MALRD1: variants seen among roughly 807,000 people sequenced by gnomAD.
MALRD1 encodes the protein MAM and LDL receptor class A domain containing 1.
MALRD1 carries 247 observed loss-of-function variants against 242.1 expected under a neutral mutation model. That is an observed-to-expected ratio of 1.02 (90% CI 0.92 to 1.13). MALRD1 has a LOEUF of 1.13. Among genes scored for constraint, MALRD1 ranks in the 50% most tolerant of loss-of-function variants. The pLI, the probability that MALRD1 is intolerant of heterozygous loss-of-function variation, is 0.00. For missense variants in MALRD1, 2,989 were observed against 2,533.1 expected, an observed-to-expected ratio of 1.18 and a Z score of -3.86; for synonymous variants, 995 against 866.6, an observed-to-expected ratio of 1.15 and a Z score of -2.60.
chr10:19,200,729 G>A (rs140641246), intron 14 of MALRD1, among the ~76,000 whole-genome samples: 2 of 145,336 alleles, frequency 1.4e-5, no homozygotes, highest in Non-Finnish European at 3.0e-5. Context: ...AAAATGACAG[G>A]GATGGACCTG....
At chr10:19,318,806 G>A in intron 21 of MALRD1, among the ~76,000 whole-genome samples, 1 of 151,728 alleles carries the variant, frequency 6.6e-6, no homozygotes, top group Non-Finnish European at 1.5e-5. Context: ...AAATTCACTT[G>A]GTTATTTTGC....
intron 33 of MALRD1, among the ~76,000 whole-genome samples, chr10:19,585,384 T>C (rs1278274038): frequency 1.3e-5 from 2 of 152,152 alleles, no homozygotes; most frequent in South Asian, 2.1e-4. Flanking sequence ...TTTCTGTGTT[T>C]AGCGCTTCCT....
intron 10 of MALRD1, among the ~76,000 whole-genome samples, chr10:19,144,765 C>A (rs191761183): frequency 6.6e-6 from 1 of 152,280 alleles, no homozygotes; most frequent in African/African-American, 2.4e-5. Flanking sequence ...GTACCACAAG[C>A]AAGTTGCTTC....
At chr10:19,385,316 T>C (rs970244362) in intron 26 of MALRD1, among the ~76,000 whole-genome samples, 6 of 152,066 alleles carry the variant, frequency 3.9e-5, no homozygotes, top group African/African-American at 1.4e-4. Context: ...TTGAGAAGGA[T>C]TAATGGCAAT....
At chr10:19,103,793 C>A (rs544418850) in intron 4 of MALRD1, among the ~76,000 whole-genome samples, 186 bp from the exon 5 acceptor site, 4 of 152,220 alleles carry the variant, frequency 2.6e-5, no homozygotes, top group South Asian at 2.1e-4. Context: ...ACAGTGATGA[C>A]CCTGCATTTC....
intron 21 of MALRD1, among the ~76,000 whole-genome samples, chr10:19,286,739 G>T (rs540544053): frequency 6.6e-6 from 1 of 151,340 alleles, no homozygotes; most frequent in Non-Finnish European, 1.5e-5. Context: ...TCTACCAGAG[G>T]TACAAGGAGG....
chr10:19,113,834 C>CACACACACACAG (rs1836777507), intron 5 of MALRD1, among the ~76,000 whole-genome samples: 2 of 149,898 alleles, frequency 1.3e-5, no homozygotes, highest in African/African-American at 4.9e-5. Context: ...CACACACAGA[C>CACACACACACAG]ACACACACAC....
chr10:19,175,946 C>T (rs12357517), intron 14 of MALRD1, among the ~76,000 whole-genome samples: 15,154 of 151,984 alleles, frequency 0.1, 805 homozygotes, highest in East Asian at 0.18. Flanking sequence ...TATTTTAAAA[C>T]CTAATCATTA....
At chr10:19,201,258 G>A (rs1836525859) in intron 14 of MALRD1, among the ~76,000 whole-genome samples, 1 of 152,000 alleles carries the variant, frequency 6.6e-6, no homozygotes, top group Non-Finnish European at 1.5e-5. Context: ...GATCAATCAA[G>A]GGGAGTTTTT....
At chr10:19,461,371 T>G (rs966236698) in intron 29 of MALRD1, among the ~76,000 whole-genome samples, 2 of 152,198 alleles carry the variant, frequency 1.3e-5, no homozygotes, top group African/African-American at 4.8e-5. Flanking sequence ...TTCCACTAGG[T>G]TACTTTTTGG....
intron 36 of MALRD1, among the ~76,000 whole-genome samples, chr10:19,628,123 T>C (rs1839753357): frequency 6.6e-6 from 1 of 152,078 alleles, no homozygotes; most frequent in African/African-American, 2.4e-5. Context: ...TGACAAAACA[T>C]TTTTTGGTAA....
chr10:19,518,736 T>G (rs377590139), intron 31 of MALRD1, among the ~76,000 whole-genome samples: 56 of 152,322 alleles, frequency 3.7e-4, no homozygotes, highest in African/African-American at 1.3e-3. Context: ...AATAAAATGT[T>G]TAGTTGTTTC....
chr10:19,269,934 C>G (rs542766018), intron 19 of MALRD1, among the ~76,000 whole-genome samples: 1 of 152,222 alleles, frequency 6.6e-6, no homozygotes, highest in African/African-American at 2.4e-5. Context: ...ATCGGTCTCT[C>G]TTTCAAGTCA....
At chr10:19,145,220 A>T (rs1833687584) in intron 10 of MALRD1, among the ~76,000 whole-genome samples, 1 of 152,142 alleles carries the variant, frequency 6.6e-6, no homozygotes, top group African/African-American at 2.4e-5. Context: ...TTCTCTCATA[A>T]ATTTGGTGTC....
chr10:19,211,182 T>G (rs559879959), intron 18 of MALRD1, among the ~76,000 whole-genome samples: 49 of 152,246 alleles, frequency 3.2e-4, no homozygotes, highest in African/African-American at 1.2e-3. Flanking sequence ...GGAAGCAGCT[T>G]CATAGCCAGA....
intron 18 of MALRD1, among the ~76,000 whole-genome samples, chr10:19,233,378 T>A (rs1335871094): frequency 6.6e-6 from 1 of 152,084 alleles, no homozygotes; most frequent in African/African-American, 2.4e-5. Context: ...GGCGAGTGCC[T>A]GTCATCCCAG....
chr10:19,201,759 ATCTTTAATTT>A, intron 14 of MALRD1, among the ~76,000 whole-genome samples: 1 of 152,140 alleles, frequency 6.6e-6, no homozygotes, highest in Non-Finnish European at 1.5e-5. Context: ...TACTGTTATT[ATCTTTAATTT>A]TTGAGCAGTA....
chr10:19,285,731 T>C (rs998971536), intron 21 of MALRD1, among the ~76,000 whole-genome samples: 5 of 125,248 alleles, frequency 4.0e-5, no homozygotes, highest in African/African-American at 9.4e-5. Flanking sequence ...GACTTGGCGA[T>C]GCGGGCTCTT....
chr10:19,109,038 A>C (rs912630735), intron 5 of MALRD1, among the ~76,000 whole-genome samples: 2 of 152,134 alleles, frequency 1.3e-5, no homozygotes, highest in Non-Finnish European at 2.9e-5. Context: ...CCTGTGCTTT[A>C]GAGTATTGGT....
Sources: gnomAD v4.1 joint callset for allele counts (sites outside exome capture counted in the v4.1 genomes callset) on GRCh38, gnomAD v4.1.1 for gene constraint, MANE v1.5 for transcripts, NCBI Gene and HGNC (gene_info 2026-07-23, HGNC 2026-07-21) for gene names.